FGF12: variants seen among roughly 807,000 people sequenced by gnomAD.
FGF12 encodes the protein fibroblast growth factor 12B.
In FGF12, 14 loss-of-function variants were observed where a neutral mutation model predicts 23.6. The ratio of observed to expected loss-of-function variants is 0.59; its 90% CI spans 0.39 to 0.93. The LOEUF is 0.93. Ranked by LOEUF, FGF12 falls within the 40% of genes least tolerant of loss-of-function variation. FGF12 has a pLI of 0.00. For synonymous variants in FGF12, 62 were observed against 77.3 expected, an observed-to-expected ratio of 0.80 and a Z score of 1.04; for missense variants, 175 against 217.8, an observed-to-expected ratio of 0.80 and a Z score of 1.24.
chr3:192,357,672 A>G (rs1718539053), intron 3 of FGF12, among the ~76,000 whole-genome samples: 1 of 152,192 alleles, frequency 6.6e-6, no homozygotes, highest in South Asian at 2.1e-4. Context: ...TATGTATTAC[A>G]GACCATTCAT....
intron 2 of FGF12, among the ~76,000 whole-genome samples, chr3:192,566,433 T>C (rs2108598904): frequency 6.6e-6 from 1 of 152,278 alleles, no homozygotes; most frequent in Non-Finnish European, 1.5e-5. Context: ...ACAATAGCCA[T>C]AAGGCTGGAG....
At chr3:192,641,928 C>T (rs1160305081) in intron 2 of FGF12, among the ~76,000 whole-genome samples, 1 of 152,188 alleles carries the variant, frequency 6.6e-6, no homozygotes, top group Non-Finnish European at 1.5e-5. Flanking sequence ...TCTGATTCTT[C>T]ACAGAAAACA....
chr3:192,145,730 T>C (rs1226216877), intron 5 of FGF12, among the ~76,000 whole-genome samples: 1 of 152,230 alleles, frequency 6.6e-6, no homozygotes, highest in Non-Finnish European at 1.5e-5. Context: ...TAAATGCCCT[T>C]GGCTGAAGTA....
intron 5 of FGF12, among the ~76,000 whole-genome samples, chr3:192,165,245 G>A (rs1157362628): frequency 6.6e-6 from 1 of 151,912 alleles, no homozygotes; most frequent in Admixed American, 6.6e-5. Context: ...ATGAGCCACT[G>A]CGTCTGTCCT....
intron 5 of FGF12, among the ~76,000 whole-genome samples, chr3:192,154,588 G>C (rs1373596472): frequency 4.0e-5 from 6 of 151,668 alleles, no homozygotes; most frequent in African/African-American, 1.5e-4. Flanking sequence ...AGGTGTCAGT[G>C]TGCCCCTGCT....
chr3:192,409,021 G>A lies in FGF12; in HGVS notation c.14-48483C>T, dbSNP rs1721088715. Reference sequence around the variant, plus strand: ...GGCGGGGGCAGCTGTTTCCAGCTGCGGTGAGAGCAACTCCCGGCCAGCAGC... The same window carrying A: ...GGCGGGGGCAGCTGTTTCCAGCTGCAGTGAGAGCAACTCCCGGCCAGCAGC... On this transcript the variant is annotated intron_variant, in intron 2 of 5. Transcript: ENST00000445105. This position sits in a 1 kb window ranked among gnomAD's most constrained non-coding sequence, Gnocchi z 4.8. The A allele has an allele frequency of 2.0e-6, 2 of 984,156 alleles. No homozygotes were observed. Among genetic ancestry groups the A allele is most frequent in the Non-Finnish European group, 1.2e-6 (1 of 829,536 alleles). The allele number at this position is 984,156 out of a possible 1,614,324, so 61.0% of individuals were successfully genotyped here.
intron 2 of FGF12, among the ~76,000 whole-genome samples, chr3:192,649,080 G>T (rs1716115033): frequency 6.6e-6 from 1 of 152,092 alleles, no homozygotes; most frequent in South Asian, 2.1e-4. Context: ...AAAGTTGAAG[G>T]CTTTTGAGTC....
At chr3:192,229,492 G>T (rs891769410) in intron 4 of FGF12, among the ~76,000 whole-genome samples, 5 of 152,008 alleles carry the variant, frequency 3.3e-5, no homozygotes, top group African/African-American at 4.8e-5. Flanking sequence ...TCAAGTGTGT[G>T]TTGATCATTG....
At chr3:192,506,690 A>G (rs371109976) in intron 2 of FGF12, among the ~76,000 whole-genome samples, 1 of 151,344 alleles carries the variant, frequency 6.6e-6, no homozygotes, top group East Asian at 2.0e-4. Context: ...TTATTCTTTA[A>G]GTGTAGGGGT....
intron 2 of FGF12, among the ~76,000 whole-genome samples, chr3:192,722,989 C>T (rs983117336): frequency 3.3e-5 from 5 of 152,024 alleles, no homozygotes; most frequent in East Asian, 3.9e-4. Flanking sequence ...GAGGGACAAA[C>T]GAGTACTTAG....
At chr3:192,635,766 T>C (rs1715556828) in intron 2 of FGF12, among the ~76,000 whole-genome samples, 1 of 152,202 alleles carries the variant, frequency 6.6e-6, no homozygotes, top group Non-Finnish European at 1.5e-5. Flanking sequence ...CCTTTTAGTA[T>C]ATGTTAGTGC....
At chr3:192,596,397 T>C (rs574382962) in intron 2 of FGF12, among the ~76,000 whole-genome samples, 2 of 152,208 alleles carry the variant, frequency 1.3e-5, no homozygotes, top group East Asian at 1.9e-4. Flanking sequence ...CAAACACCTA[T>C]TGACTTACAA....
chr3:192,176,661 T>C (rs953607541), intron 4 of FGF12, among the ~76,000 whole-genome samples: 2 of 152,214 alleles, frequency 1.3e-5, no homozygotes, highest in African/African-American at 4.8e-5. Context: ...ACATTAAAAA[T>C]GTTTGAAGAT....
chr3:192,631,687 A>T (rs948850897), intron 2 of FGF12, among the ~76,000 whole-genome samples: 2 of 152,262 alleles, frequency 1.3e-5, no homozygotes, highest in African/African-American at 4.8e-5. Flanking sequence ...CATTGAAGGC[A>T]GGTGGCATAC....
intron 2 of FGF12, among the ~76,000 whole-genome samples, chr3:192,504,707 A>C (rs996202952): frequency 2.0e-5 from 3 of 152,132 alleles, no homozygotes; most frequent in African/African-American, 7.2e-5. Context: ...TGGAACCCAA[A>C]TCTCTCTCAC....
At chr3:192,556,816 G>A (rs1711800224) in intron 2 of FGF12, among the ~76,000 whole-genome samples, 1 of 152,108 alleles carries the variant, frequency 6.6e-6, no homozygotes, top group Non-Finnish European at 1.5e-5. Flanking sequence ...AGGGTTGTTT[G>A]AGCTCCTGGA....
At chr3:192,335,531 C>T (rs1038447939) in intron 3 of FGF12, 67 bp from the exon 4 acceptor site, 5 of 980,058 alleles carry the variant, frequency 5.1e-6, no homozygotes, top group Non-Finnish European at 8.1e-6. Context: ...TTCTTATAAT[C>T]ATTCTTTTGA....
At chr3:192,378,792 T>C (rs1719687160) in intron 2 of FGF12, among the ~76,000 whole-genome samples, 1 of 152,144 alleles carries the variant, frequency 6.6e-6, no homozygotes, top group African/African-American at 2.4e-5. Context: ...GGGATACATA[T>C]GCAGGTTTTT....
chr3:192,235,227 T>C (rs528152166), intron 4 of FGF12, among the ~76,000 whole-genome samples: 1 of 152,368 alleles, frequency 6.6e-6, no homozygotes, highest in East Asian at 1.9e-4. Context: ...GAACTCGTTA[T>C]TGGCCTGTTC....
Sources: allele counts gnomAD v4.1 joint callset (sites outside exome capture counted in the v4.1 genomes callset), GRCh38; gene constraint gnomAD v4.1.1; non-coding constraint Gnocchi (gnomAD v3.1); transcripts MANE v1.5; gene names NCBI Gene and HGNC (gene_info 2026-07-23, HGNC 2026-07-21).